Variants in USP6NL observed in about 807,000 individuals in gnomAD.
The protein encoded by USP6NL is USP6 N-terminal like, also known as USP6 N-terminal-like protein.
Under a neutral mutation model 61.9 loss-of-function variants are expected in USP6NL, and 26 were observed. That is an observed-to-expected ratio of 0.42 (90% CI 0.31 to 0.58). The LOEUF is 0.58. Among genes scored for constraint, USP6NL ranks in the 20% least tolerant of loss-of-function variants. USP6NL has a pLI of 0.16. For missense variants in USP6NL, 1,114 were observed against 1,034.3 expected, an observed-to-expected ratio of 1.08 and a Z score of -1.06; for synonymous variants, 432 against 390.1, an observed-to-expected ratio of 1.11 and a Z score of -1.27.
chr10:11,605,897 T>G (rs914376954), intron 1 of USP6NL, among the ~76,000 whole-genome samples: 2 of 152,116 alleles, frequency 1.3e-5, no homozygotes, highest in South Asian at 4.2e-4. Context: ...AAATCTAACA[T>G]TGTATAACTG....
intron 2 of USP6NL, among the ~76,000 whole-genome samples, chr10:11,586,369 A>G (rs1437751599): frequency 1.3e-5 from 2 of 152,034 alleles, no homozygotes; most frequent in East Asian, 3.8e-4. Flanking sequence ...AAATGACCAA[A>G]AAAAAACTGA....
In USP6NL at chr10:11,520,323, G is replaced by A. The variant is rs1440010842; in HGVS notation, c.156-1749C>T. On this transcript the variant is annotated intron_variant, in intron 4 of 14. Coordinates refer to ENST00000609104, the MANE Select transcript of USP6NL (RefSeq NM_014688.5). The surrounding 1 kb of genome is among the most constrained non-coding windows in gnomAD (Gnocchi z 5.2). ...TCCAGCTTTCCTATACAGATGTTCT[G>A]GCATGATTTCTCCATATCTAAAACT... Among the ~76,000 whole-genome samples, 1 of 152,156 alleles carries A rather than the reference G, an allele frequency of 6.6e-6. No homozygotes were observed. The highest frequency in any genetic ancestry group is 1.5e-5 in the Non-Finnish European group (1 of 68,026).
At position 11,520,133 on chromosome 10, in the gene USP6NL, C is replaced by T. The variant is rs1835146782; in HGVS notation, c.156-1559G>A. On this transcript the variant is annotated intron_variant, in intron 4 of 14. Transcript: ENST00000609104. The surrounding 1 kb of genome is among the most constrained non-coding windows in gnomAD (Gnocchi z 5.2). The stretch of plus-strand genomic sequence containing the variant: ...TCACTTAGTCGAGAGACTTTTAGCA[C>T]TAATTCAGTGGGTTCAACTTCATAC... 1.3e-5 allele frequency among the ~76,000 whole-genome samples: 2 copies of T among 152,158 alleles called. No individual in the cohort carries two copies. The highest frequency in any genetic ancestry group is 2.9e-5 in the Non-Finnish European group (2 of 68,014).
At position 11,474,679 on chromosome 10, in the gene USP6NL, A is replaced by AAT. The variant is rs574811711; in HGVS notation, c.1078+7090_1078+7091insAT. Among the ~76,000 whole-genome samples, 11 of 152,284 alleles carry AAT rather than the reference A, an allele frequency of 7.2e-5. No homozygotes were observed. The East Asian group carries it at 2.1e-3, about 29-fold the overall frequency. On this transcript the variant is annotated intron_variant, in intron 14 of 14. Coordinates refer to ENST00000609104, the MANE Select transcript of USP6NL (RefSeq NM_014688.5). This position sits in a 1 kb window ranked among gnomAD's most constrained non-coding sequence, Gnocchi z 4.9. Reference sequence around the variant, plus strand: ...ATCTAAATAATCCTGTGCATAGAAAATTTGTCCTTGAATTAATGATTTTTT... The same window carrying AAT: ...ATCTAAATAATCCTGTGCATAGAAAAATTTTGTCCTTGAATTAATGATTTTTT...
Position 11,537,921 on chromosome 10 carries a change from A to C in USP6NL, c.5-10354T>G, listed in dbSNP as rs1835897317. Among the ~76,000 whole-genome samples the C allele has an allele frequency of 6.6e-6, 1 of 152,232 alleles. No individual in the cohort carries two copies. Among genetic ancestry groups the C allele is most frequent in the Admixed American group, 6.5e-5 (1 of 15,284 alleles). ...TCCATGGCTTGCCCCTGATTCTGCA[A>C]ATAAAAAGATCAACAGTGTCGATAT... On this transcript the variant is annotated intron_variant, in intron 2 of 14. Coordinates refer to ENST00000609104, the MANE Select transcript of USP6NL (RefSeq NM_014688.5). This position sits in a 1 kb window ranked among gnomAD's most constrained non-coding sequence, Gnocchi z 5.1.
chr10:11,488,138 G>A (rs1403578084), intron 10 of USP6NL, among the ~76,000 whole-genome samples: 1 of 152,182 alleles, frequency 6.6e-6, no homozygotes, highest in East Asian at 1.9e-4. Context: ...AAGGGCGGGG[G>A]CTGTGGCTCA....
At chr10:11,568,185 G>A (rs930198253) in intron 2 of USP6NL, among the ~76,000 whole-genome samples, 1 of 151,918 alleles carries the variant, frequency 6.6e-6, no homozygotes, top group Non-Finnish European at 1.5e-5. Flanking sequence ...GCGCGCGCGC[G>A]TGCTTGTATG....
In USP6NL at chr10:11,528,488, T is replaced by C. The variant is rs1338111770; in HGVS notation, c.5-921A>G. Among the ~76,000 whole-genome samples, 2 of 152,106 alleles carry C rather than the reference T, an allele frequency of 1.3e-5. No homozygotes were observed. Among genetic ancestry groups the C allele is most frequent in the African/African-American group, 2.4e-5 (1 of 41,404 alleles). On this transcript the variant is annotated intron_variant, in intron 2 of 14. Coordinates refer to ENST00000609104, the MANE Select transcript of USP6NL (RefSeq NM_014688.5). The surrounding 1 kb of genome is among the most constrained non-coding windows in gnomAD (Gnocchi z 4.6). Reference sequence around the variant, plus strand: ...AAGCACTTTACCCTGCCTTACCACATGACACTCTAAGGTAGGCATCATTAT... The same window carrying C: ...AAGCACTTTACCCTGCCTTACCACACGACACTCTAAGGTAGGCATCATTAT...
chr10:11,466,326 G>A (rs889247235), intron 14 of USP6NL, among the ~76,000 whole-genome samples: 3 of 152,188 alleles, frequency 2.0e-5, no homozygotes, highest in African/African-American at 7.2e-5. Context: ...GAGTGTATCA[G>A]CTATCTGGCG....
At position 11,489,365 on chromosome 10, in the gene USP6NL, T is replaced by C; in HGVS notation, c.544-143A>G. ...CATTCTAGAGACAAATACTATACTC[T>C]TTACAGTATTATGCCACATAAGAGA... On this transcript the variant is annotated intron_variant, in intron 9 of 14. Coordinates refer to ENST00000609104, the MANE Select transcript of USP6NL (RefSeq NM_014688.5). This position sits in a 1 kb window ranked among gnomAD's most constrained non-coding sequence, Gnocchi z 5.7. 1 of 1,040,480 alleles carries C rather than the reference T, an allele frequency of 9.6e-7. No individual in the cohort carries two copies. The highest frequency in any genetic ancestry group is 1.3e-6 in the Non-Finnish European group (1 of 756,484). 64.5% of individuals were successfully genotyped at this position (1,040,480 alleles called of 1,614,324 possible).
At chr10:11,579,299 C>A (rs1286237834) in intron 2 of USP6NL, among the ~76,000 whole-genome samples, 1 of 152,218 alleles carries the variant, frequency 6.6e-6, no homozygotes, top group South Asian at 2.1e-4. Context: ...TTTCAAACCA[C>A]AAATTGATAA....
intron 4 of USP6NL, among the ~76,000 whole-genome samples, chr10:11,523,928 T>C (rs912412869): frequency 6.6e-6 from 1 of 152,194 alleles, no homozygotes; most frequent in South Asian, 2.1e-4. Flanking sequence ...CTGATTCTAA[T>C]GTGCAGGCAA....
rs946371562 is a variant in USP6NL at position 11,465,505 on chromosome 10, A to G, written c.1079-1656T>C. 3.3e-5 allele frequency among the ~76,000 whole-genome samples: 5 copies of G among 152,218 alleles called. No homozygotes were observed. Among genetic ancestry groups the G allele is most frequent in the Admixed American group, 3.3e-4 (5 of 15,284 alleles). ...GAGAGCCACCAACTTTTTAGCTCAC[A>G]TGAAATAATTTAAAATGTCTTTTAA... On this transcript the variant is annotated intron_variant, in intron 14 of 14. Transcript: ENST00000609104. This position sits in a 1 kb window ranked among gnomAD's most constrained non-coding sequence, Gnocchi z 4.5.
intron 2 of USP6NL, among the ~76,000 whole-genome samples, chr10:11,546,449 TGGA>T (rs1836274661): frequency 1.3e-5 from 2 of 152,200 alleles, no homozygotes; most frequent in African/African-American, 4.8e-5. Flanking sequence ...TCGCCCAGGC[TGGA>T]GTGAAGTGGC....
At chr10:11,590,163 C>T (rs1021171899) in intron 2 of USP6NL, among the ~76,000 whole-genome samples, 6 of 152,086 alleles carry the variant, frequency 3.9e-5, no homozygotes, top group South Asian at 2.1e-4. Context: ...ACTCTATGTC[C>T]GACCTTTCTA....
At chr10:11,546,813 T>C (rs905009901) in intron 2 of USP6NL, among the ~76,000 whole-genome samples, 14 of 152,206 alleles carry the variant, frequency 9.2e-5, no homozygotes, top group Non-Finnish European at 1.6e-4. Flanking sequence ...CAAAGTTAAT[T>C]GCCTACTTCC....
Position 11,561,503 on chromosome 10 carries a change from T to C in USP6NL, c.5-33936A>G, listed in dbSNP as rs1836929128. Among the ~76,000 whole-genome samples, 1 of 152,240 alleles carries C rather than the reference T, an allele frequency of 6.6e-6. No homozygotes were observed. Among genetic ancestry groups the C allele is most frequent in the Non-Finnish European group, 1.5e-5 (1 of 68,040 alleles). On this transcript the variant is annotated intron_variant, in intron 2 of 14. Transcript: ENST00000609104. The surrounding 1 kb of genome is among the most constrained non-coding windows in gnomAD (Gnocchi z 4.1). ...CTAAGCACATTGCTTTGCAATTATC[T>C]TTCTACTCAAATATATTTCATAGAC...
At chr10:11,523,233 C>T (rs761572817) in intron 4 of USP6NL, among the ~76,000 whole-genome samples, 22 of 152,312 alleles carry the variant, frequency 1.4e-4, no homozygotes, top group Middle Eastern at 3.4e-3. Flanking sequence ...TATTTCATGG[C>T]TGTAATAGTT....
chr10:11,482,852 T>G lies in USP6NL; in HGVS notation c.926-930A>C, dbSNP rs74781644. Reference sequence around the variant, plus strand: ...ATTGGTTAATATGCCCAGAAAGAGTTTTTCTTTTTTTTAATTGGCTAATGA... The same window carrying G: ...ATTGGTTAATATGCCCAGAAAGAGTGTTTCTTTTTTTTAATTGGCTAATGA... On this transcript the variant is annotated intron_variant, in intron 13 of 14. Transcript: ENST00000609104. The surrounding 1 kb of genome is among the most constrained non-coding windows in gnomAD (Gnocchi z 4.0). 0.15 allele frequency among the ~76,000 whole-genome samples: 23,383 copies of G among 152,160 alleles called. 2,101 individuals are homozygous for G. Among genetic ancestry groups the G allele is most frequent in the South Asian group, 0.22 (1,036 of 4,818 alleles).
Sources: allele counts gnomAD v4.1 joint callset (sites outside exome capture counted in the v4.1 genomes callset), GRCh38; gene constraint gnomAD v4.1.1; non-coding constraint Gnocchi (gnomAD v3.1); transcripts MANE v1.5; gene names NCBI Gene and HGNC (gene_info 2026-07-23, HGNC 2026-07-21).